Variants in NDOR1 observed in about 807,000 individuals in gnomAD.
NDOR1 encodes NADPH dependent diflavin oxidoreductase 1.
In NDOR1, 61 loss-of-function variants were observed where a neutral mutation model predicts 67.2. The ratio of observed to expected loss-of-function variants is 0.91; its 90% CI spans 0.74 to 1.12. The LOEUF is 1.12. Among genes scored for constraint, NDOR1 ranks in the 50% most tolerant of loss-of-function variants. The probability of loss-of-function intolerance (pLI) is 0.00; values close to 1 mark genes in which losing one functional copy is unlikely to be tolerated. For synonymous variants in NDOR1, 378 were observed against 343.7 expected, an observed-to-expected ratio of 1.10 and a Z score of -1.10; for missense variants, 878 against 802.8, an observed-to-expected ratio of 1.09 and a Z score of -1.13.
In NDOR1 at chr9:137,217,839, C is replaced by G; in HGVS notation, c.*1423C>G. 2.5e-6 allele frequency: 1 copy of G among 398,094 alleles called. No individual in the cohort carries two copies. The allele number at this position is 398,094 out of a possible 1,614,324, so 24.7% of individuals were successfully genotyped here. On this transcript the variant is annotated 3_prime_UTR_variant, in exon 14 of 14. Transcript: ENST00000684003. Reference sequence around the variant, plus strand: ...CCTGGGGCCCCCACCCTCCACCTGGCCGACTCCAGCTCTGGGCCTGTCAGT... The same window carrying G: ...CCTGGGGCCCCCACCCTCCACCTGGGCGACTCCAGCTCTGGGCCTGTCAGT...
rs1835234712 is a variant in NDOR1, at chr9:137,211,158, C to T, written c.214-1344C>T. On this transcript the variant is annotated intron_variant, in intron 2 of 13. Transcript: ENST00000684003. Reference sequence around the variant, plus strand: ...TCCATCTCAAAAAAAGATGAGAAATCCTTCTAGAAAGTATGACAAAAAGCA... The same window carrying T: ...TCCATCTCAAAAAAAGATGAGAAATTCTTCTAGAAAGTATGACAAAAAGCA... Among the ~76,000 whole-genome samples the T allele has an allele frequency of 9.2e-5, 14 of 152,264 alleles. No individual in the cohort carries two copies. The South Asian group carries it at 2.9e-3, about 32-fold the overall frequency.
Position 137,215,784 on chromosome 9 carries a change from C to T in NDOR1, c.1414C>T (p.Arg472Cys), listed in dbSNP as rs981697559. Residue 472 changes from arginine to cysteine, a missense_variant, in exon 11 of 14, where the codon CGT (arginine) becomes TGT (cysteine). Arg to Cys is a radical substitution (Grantham distance 180). Coordinates refer to ENST00000684003, the MANE Select transcript of NDOR1 (RefSeq NM_014434.4). ...CCCCTTCCGAGCAGCCATCCAGGAG[C>T]GTGTGGCCCAGGGCCAGACTGGTGA... ...VAPFRAAIQERVAQGQTGNFL... is the reference protein window; with the variant it reads ...VAPFRAAIQECVAQGQTGNFL... 3.8e-6 allele frequency: 6 copies of T among 1,595,858 alleles called. No individual in the cohort carries two copies. Among genetic ancestry groups the T allele is most frequent in the South Asian group, 1.1e-5 (1 of 88,400 alleles).
In NDOR1 at chr9:137,214,828, C is replaced by A. The variant is rs762294457; in HGVS notation, c.875C>A (p.Pro292His). 4.4e-6 allele frequency: 7 copies of A among 1,607,810 alleles called. No homozygotes were observed. The change falls in exon 8 of 14, where the codon CCC becomes CAC. Residue 292 changes from proline to histidine, a missense_variant. Physicochemically the swap from Pro to His is moderately conservative, Grantham distance 77. Transcript: ENST00000684003. ...DVSSPTRLPQ[P>H]CSMRHLVSHY... ...TCCTCCCCCACGAGGCTGCCCCAGC[C>A]CTGCTCCATGCGGCACCTCGTGTCC...
At chr9:137,211,558 C>T (rs749268354) in intron 2 of NDOR1, among the ~76,000 whole-genome samples, 9 of 152,164 alleles carry the variant, frequency 5.9e-5, no homozygotes, top group South Asian at 2.1e-4. Flanking sequence ...GTTCACCAAA[C>T]GGAGCAGGGA....
chr9:137,215,261 G>A (rs546249192), intron 9 of NDOR1, 59 bp downstream of exon 9: 2 of 1,567,422 alleles, frequency 1.3e-6, no homozygotes, highest in Admixed American at 1.7e-5. Flanking sequence ...GACCGGGGCT[G>A]TGGGGTTTTG....
intron 2 of NDOR1, among the ~76,000 whole-genome samples, chr9:137,206,640 C>T (rs1035737652): frequency 6.6e-6 from 1 of 152,206 alleles, no homozygotes; most frequent in African/African-American, 2.4e-5. Context: ...CTTTTAAGCA[C>T]ATATTCTATT....
rs748675923 is a variant in NDOR1, at chr9:137,215,085, C to T, written c.1066-10C>T. ...CACGCTGCAGCCACCCTGAGACTCT[C>T]TTTGCCTAGGTGCTCTGTGACTTCC... On this transcript the variant is annotated splice_polypyrimidine_tract_variant and intron_variant, in intron 8 of 13. Transcript: ENST00000684003. 1 of 1,613,722 alleles carries T rather than the reference C, an allele frequency of 6.2e-7. No individual in the cohort carries two copies. The highest frequency in any genetic ancestry group is 1.1e-5 in the South Asian group (1 of 91,044).
At chr9:137,206,480 A>T (rs1314165387) in intron 2 of NDOR1, among the ~76,000 whole-genome samples, 171 bp downstream of exon 2, 1 of 152,142 alleles carries the variant, frequency 6.6e-6, no homozygotes, top group Non-Finnish European at 1.5e-5. Context: ...GCCCTCTCTA[A>T]TAAACTCGTC....
Position 137,218,932 on chromosome 9 carries a change from G to A in NDOR1, c.*2516G>A, listed in dbSNP as rs936197441. 8.8e-5 allele frequency: 26 copies of A among 295,760 alleles called. 1 individual carries two copies. The highest frequency in any genetic ancestry group is 3.3e-4 in the South Asian group (2 of 6,110). 18.3% of individuals were successfully genotyped at this position (295,760 alleles called of 1,614,324 possible). On this transcript the variant is annotated 3_prime_UTR_variant, in exon 14 of 14. Transcript: ENST00000684003. The stretch of plus-strand genomic sequence containing the variant: ...ATTCACCCTGCGGCAGACGGGCACC[G>A]TACTGGCCACGGGCTGACGCCGGCC...
chr9:137,215,761 C>T lies in NDOR1; in HGVS notation c.1391C>T (p.Pro464Leu). Residue 464 changes from proline to leucine, a missense_variant, in exon 11 of 14, where the codon CCC (proline) becomes CTC (leucine). By Grantham distance (98) the Pro-to-Leu change is moderately conservative. Coordinates refer to ENST00000684003, the MANE Select transcript of NDOR1 (RefSeq NM_014434.4). The stretch of plus-strand genomic sequence containing the variant: ...GTGGGGCCTGGCACTGGGGTAGCCC[C>T]CTTCCGAGCAGCCATCCAGGAGCGT... ...IMVGPGTGVAPFRAAIQERVA... is the reference protein window; with the variant it reads ...IMVGPGTGVALFRAAIQERVA... 1 of 1,600,020 alleles carries T rather than the reference C, an allele frequency of 6.2e-7. No individual in the cohort carries two copies. Among genetic ancestry groups the T allele is most frequent in the Non-Finnish European group, 8.5e-7 (1 of 1,172,274 alleles).
intron 2 of NDOR1, among the ~76,000 whole-genome samples, chr9:137,211,038 G>T (rs1835228457): frequency 6.6e-6 from 1 of 152,238 alleles, no homozygotes; most frequent in Non-Finnish European, 1.5e-5. Flanking sequence ...CTACTTGGGA[G>T]GCTGAGGCAG....
chr9:137,217,743 C>T lies in NDOR1; in HGVS notation c.*1327C>T, dbSNP rs1835695746. 1.0e-5 allele frequency: 4 copies of T among 381,314 alleles called. No homozygotes were observed. In the East Asian group the frequency reaches 1.5e-4, roughly 14 times the overall value. 23.6% of individuals were successfully genotyped at this position (381,314 alleles called of 1,614,324 possible). A position where few individuals can be genotyped will look rare whatever the true frequency, so the allele number is the denominator to read the frequency against. On this transcript the variant is annotated 3_prime_UTR_variant, in exon 14 of 14. Coordinates refer to ENST00000684003, the MANE Select transcript of NDOR1 (RefSeq NM_014434.4). ...ACCCTGCCTTCCCTGAGGGCCGCCC[C>T]TGTCGCCGCCCTGGGGTCCCTGTCC... is the stretch of plus-strand genomic sequence containing the variant.
chr9:137,214,495 G>A (rs1246615179), intron 6 of NDOR1, 75 bp from the exon 7 acceptor site: 2 of 1,609,516 alleles, frequency 1.2e-6, no homozygotes, highest in African/African-American at 2.7e-5. Flanking sequence ...CCGGGCTGCA[G>A]GGGATGACTT....
Position 137,216,199 on chromosome 9 carries a change from C to T in NDOR1, c.1649+11C>T. On this transcript the variant is annotated intron_variant, in intron 13 of 13. Transcript: ENST00000684003. ...CTTCTACCTGGCAGGGTGAGCTGGCCTGCGTGCAGCAGGAGTGGGCCCAGC... is the reference window on the plus strand; with the variant it reads ...CTTCTACCTGGCAGGGTGAGCTGGCTTGCGTGCAGCAGGAGTGGGCCCAGC... 3 of 1,613,294 alleles carry T rather than the reference C, an allele frequency of 1.9e-6. No individual in the cohort carries two copies. The highest frequency in any genetic ancestry group is 1.3e-5 in the African/African-American group (1 of 75,052).
At position 137,214,964 on chromosome 9, in the gene NDOR1, A is replaced by G; in HGVS notation, c.1011A>G (p.Gln337=). The G allele has an allele frequency of 6.2e-7, 1 of 1,613,552 alleles. No homozygotes were observed. The highest frequency in any genetic ancestry group is 8.5e-7 in the Non-Finnish European group (1 of 1,179,912). Residue 337 remains glutamine, a synonymous_variant, in exon 8 of 14, where the codon CAA becomes CAG. Transcript: ENST00000684003. ...REKLLEFSSA[Q]GQEELFEYCN... is the part of the protein sequence containing the mutation. ...AGCTGCTGGAGTTCAGTTCTGCCCA[A>G]GGCCAGGAGGAGCTCTTTGAATACT...
rs1216911607 is a variant in NDOR1, at chr9:137,218,045, C to T, written c.*1629C>T. 5.0e-6 allele frequency: 2 copies of T among 399,458 alleles called. No individual in the cohort carries two copies. Among genetic ancestry groups the T allele is most frequent in the Non-Finnish European group, 8.8e-6 (2 of 226,732 alleles). The allele number at this position is 399,458 out of a possible 1,614,324, so 24.7% of individuals were successfully genotyped here. The stretch of plus-strand genomic sequence containing the variant: ...AACCTGGAAGGAGGAGGGGAGAGAG[C>T]AGGCAGCAGGGCAGGGGGAAGAGGA... On this transcript the variant is annotated 3_prime_UTR_variant, in exon 14 of 14. Coordinates refer to ENST00000684003, the MANE Select transcript of NDOR1 (RefSeq NM_014434.4).
At chr9:137,208,409 C>T (rs1426785630) in intron 2 of NDOR1, among the ~76,000 whole-genome samples, 2 of 152,100 alleles carry the variant, frequency 1.3e-5, no homozygotes, top group Non-Finnish European at 2.9e-5. Context: ...CGAGATCGCG[C>T]CACTGCACTC....
In NDOR1 at chr9:137,216,132, G is replaced by T; in HGVS notation, c.1593G>T (p.Leu531=). Reference sequence around the variant, plus strand: ...ATGTGCAGCACCGGCTCCGGGAGCTGGGGTCGCTTGTGTGGGAACTGCTGG... The same window carrying T: ...ATGTGCAGCACCGGCTCCGGGAGCTTGGGTCGCTTGTGTGGGAACTGCTGG... ...KVYVQHRLRE[L]GSLVWELLDR... The change falls in exon 13 of 14, where the codon CTG becomes CTT. Residue 531 remains leucine, a synonymous_variant. Coordinates refer to ENST00000684003, the MANE Select transcript of NDOR1 (RefSeq NM_014434.4). The T allele has an allele frequency of 6.2e-7, 1 of 1,613,572 alleles. No individual in the cohort carries two copies. The highest frequency in any genetic ancestry group is 8.5e-7 in the Non-Finnish European group (1 of 1,180,012).
chr9:137,210,711 G>A (rs1302670545), intron 2 of NDOR1, among the ~76,000 whole-genome samples: 2 of 152,090 alleles, frequency 1.3e-5, no homozygotes, highest in East Asian at 3.9e-4. Context: ...GCTGGGCGTG[G>A]TGACACACAC....
Sources: gnomAD v4.1 joint callset for allele counts (sites outside exome capture counted in the v4.1 genomes callset) on GRCh38, gnomAD v4.1.1 for gene constraint, MANE v1.5 for transcripts, NCBI Gene and HGNC (gene_info 2026-07-23, HGNC 2026-07-21) for gene names.